The following SNX29 variants were observed in gnomAD, a reference collection of about 807,000 sequenced individuals.
SNX29 encodes sorting nexin-29.
In SNX29, 78 loss-of-function variants were observed where a neutral mutation model predicts 102.1. That is an observed-to-expected ratio of 0.76 (90% CI 0.64 to 0.92). The LOEUF (loss-of-function observed/expected upper bound fraction) is 0.92, where lower values mean the gene tolerates loss of function less well. Among genes scored for constraint, SNX29 ranks in the 40% least tolerant of loss-of-function variants. The probability of loss-of-function intolerance (pLI) is 0.00; values close to 1 mark genes in which losing one functional copy is unlikely to be tolerated. For missense variants in SNX29, 1,280 were observed against 1,061.7 expected, an observed-to-expected ratio of 1.21 and a Z score of -2.86; for synonymous variants, 580 against 414.5, an observed-to-expected ratio of 1.40 and a Z score of -4.85.
At chr16:12,090,580 G>A (rs1175171807) in intron 11 of SNX29, among the ~76,000 whole-genome samples, 2 of 152,192 alleles carry the variant, frequency 1.3e-5, no homozygotes, top group African/African-American at 2.4e-5. Context: ...GGGGTTTAGG[G>A]TTTGAATTCT....
At chr16:12,470,108 A>G (rs1036589545) in intron 18 of SNX29, among the ~76,000 whole-genome samples, 1 of 152,260 alleles carries the variant, frequency 6.6e-6, no homozygotes, top group African/African-American at 2.4e-5. Context: ...GAAATGGTAC[A>G]GCTTTTTCTG....
At chr16:12,536,303 G>A (rs2077078022) in intron 20 of SNX29, among the ~76,000 whole-genome samples, 1 of 152,078 alleles carries the variant, frequency 6.6e-6, no homozygotes, top group Non-Finnish European at 1.5e-5. Context: ...CTCGTTCTGG[G>A]AAGACAGGTT....
chr16:12,553,665 A>G (rs781047024), intron 20 of SNX29, among the ~76,000 whole-genome samples: 12 of 144,176 alleles, frequency 8.3e-5, no homozygotes, highest in Non-Finnish European at 1.5e-4. Context: ...ATCTTGGCTC[A>G]CTGCAACCTC....
chr16:12,202,054 C>G (rs1462391363), intron 14 of SNX29, among the ~76,000 whole-genome samples: 1 of 152,140 alleles, frequency 6.6e-6, no homozygotes, highest in African/African-American at 2.4e-5. Flanking sequence ...GATGTAGTTG[C>G]GGCAGCTCTT....
At chr16:12,540,120 C>A (rs769969907) in intron 20 of SNX29, among the ~76,000 whole-genome samples, 1 of 152,142 alleles carries the variant, frequency 6.6e-6, no homozygotes, top group Non-Finnish European at 1.5e-5. Context: ...AGATTTTCTC[C>A]TAGGTTTTCC....
intron 18 of SNX29, among the ~76,000 whole-genome samples, chr16:12,409,421 CTTTTTTTTTT>C (rs71139589): frequency 3.3e-5 from 3 of 89,638 alleles, no homozygotes; most frequent in Admixed American, 1.5e-4. Flanking sequence ...GATTCACTGT[CTTTTTTTTTT>C]TTTTTTTTTT....
At chr16:11,983,418 C>T (rs2055472708) in intron 1 of SNX29, among the ~76,000 whole-genome samples, 1 of 151,994 alleles carries the variant, frequency 6.6e-6, no homozygotes, top group African/African-American at 2.4e-5. Flanking sequence ...CAGTTTTCTC[C>T]TCGGCACTGA....
At chr16:12,193,104 C>G (rs1344941301) in intron 13 of SNX29, among the ~76,000 whole-genome samples, 2 of 152,316 alleles carry the variant, frequency 1.3e-5, no homozygotes, top group Admixed American at 1.3e-4. Flanking sequence ...CTAAGTGCTG[C>G]AATTACAGGA....
intron 15 of SNX29, among the ~76,000 whole-genome samples, chr16:12,344,188 T>G (rs1190267728): frequency 1.1e-4 from 17 of 152,346 alleles, no homozygotes. Flanking sequence ...AAACCTCTTT[T>G]TCTTTATAAA....
intron 20 of SNX29, among the ~76,000 whole-genome samples, chr16:12,545,270 G>A (rs890283253): frequency 2.0e-5 from 3 of 152,242 alleles, no homozygotes; most frequent in African/African-American, 4.8e-5. Context: ...GTACTGTTGA[G>A]AAATTGGTTT....
At chr16:12,409,023 T>C (rs2084286499) in intron 18 of SNX29, among the ~76,000 whole-genome samples, 1 of 152,180 alleles carries the variant, frequency 6.6e-6, no homozygotes, top group Non-Finnish European at 1.5e-5. Context: ...GAGAGGGAGC[T>C]GAGGTGTGTT....
chr16:12,290,637 C>T (rs1167640025), intron 15 of SNX29, among the ~76,000 whole-genome samples: 2 of 152,156 alleles, frequency 1.3e-5, no homozygotes, highest in Non-Finnish European at 2.9e-5. Context: ...GTGACAAAGA[C>T]TGTGTGATTT....
intron 20 of SNX29, chr16:12,556,330 C>T (rs2078346625): frequency 1.3e-5 from 2 of 152,206 alleles, no homozygotes; most frequent in Non-Finnish European, 2.9e-5. Context: ...TAGACCAGGA[C>T]AGACCACTTG....
chr16:12,554,786 A>T (rs887084513), intron 20 of SNX29, among the ~76,000 whole-genome samples: 3 of 152,156 alleles, frequency 2.0e-5, no homozygotes, highest in Non-Finnish European at 4.4e-5. Flanking sequence ...CATAGAATGC[A>T]ATTGTTTATT....
chr16:11,996,542 A>G (rs2056079327), intron 1 of SNX29, among the ~76,000 whole-genome samples: 3 of 152,024 alleles, frequency 2.0e-5, no homozygotes, highest in Admixed American at 1.3e-4. Flanking sequence ...TTATTATTCT[A>G]TTTTTTTCCT....
intron 18 of SNX29, among the ~76,000 whole-genome samples, chr16:12,409,278 A>G (rs1311966526): frequency 6.6e-6 from 1 of 152,194 alleles, no homozygotes; most frequent in Admixed American, 6.5e-5. Flanking sequence ...TCTCTTGTTA[A>G]CACACATTTT....
chr16:12,465,000 G>A (rs944737362), intron 18 of SNX29, among the ~76,000 whole-genome samples: 20 of 152,152 alleles, frequency 1.3e-4, no homozygotes, highest in African/African-American at 4.8e-4. Context: ...CTGATGAGTG[G>A]TGATGTGAGC....
intron 8 of SNX29, chr16:12,060,700 T>A: frequency 2.2e-6 from 1 of 450,246 alleles, no homozygotes; most frequent in Admixed American, 2.4e-5. Flanking sequence ...ACGGCTATAC[T>A]GCAAAAATAC....
intron 18 of SNX29, 35 bp from the exon 19 acceptor site, chr16:12,477,684 T>C (rs1567604727): frequency 1.9e-6 from 3 of 1,602,842 alleles, no homozygotes; most frequent in Non-Finnish European, 2.5e-6. Flanking sequence ...ATAATAAGGG[T>C]TTAAGAGGAA....
Sources: gnomAD v4.1 joint callset for allele counts (sites outside exome capture counted in the v4.1 genomes callset) on GRCh38, gnomAD v4.1.1 for gene constraint, MANE v1.5 for transcripts, NCBI Gene and HGNC (gene_info 2026-07-23, HGNC 2026-07-21) for gene names.